Variants in NLRP7 observed in about 807,000 individuals in gnomAD.
NLRP7 encodes the protein NACHT, LRR and PYD domains-containing protein 7.
In NLRP7, 72 loss-of-function variants were observed where a neutral mutation model predicts 85.5. That is an observed-to-expected ratio of 0.84 (90% CI 0.70 to 1.02). NLRP7 has a LOEUF of 1.02. Ranked by LOEUF, NLRP7 falls within the 50% of genes least tolerant of loss-of-function variation. The pLI is 0.00. For synonymous variants in NLRP7, 550 were observed against 505.2 expected (o/e 1.09, Z -1.19); for missense variants, 1,243 against 1,219.5 (o/e 1.02, Z -0.29).
chr19:54,929,575 G>C lies in NLRP7; in HGVS notation c.2810+924C>G, dbSNP rs75059752. Among the ~76,000 whole-genome samples, 115 of 152,156 alleles carry C rather than the reference G, an allele frequency of 7.6e-4. 3 individuals are homozygous for C. The East Asian group carries it at 0.022, about 29-fold the overall frequency. On this transcript the variant is annotated intron_variant, in intron 9 of 9. Coordinates refer to ENST00000340844, the Ensembl canonical transcript of NLRP7. Reference sequence around the variant, plus strand: ...ATTTGTGGAGACTTTGCATTTTCTGGGGGTGGTATCCCACCTATGGTTCCC... The same window carrying C: ...ATTTGTGGAGACTTTGCATTTTCTGCGGGTGGTATCCCACCTATGGTTCCC...
Position 54,927,649 on chromosome 19 carries a change from G to A in NLRP7, c.2810+2850C>T, listed in dbSNP as rs148164395. The A allele has an allele frequency of 1.9e-5, 30 of 1,614,036 alleles. No homozygotes were observed. The highest frequency in any genetic ancestry group is 3.3e-4 in the Middle Eastern group (2 of 6,084). On this transcript the variant is annotated intron_variant, in intron 9 of 9. Transcript: ENST00000340844. ...CAGTTCTTTGTCTTAGAACCCCAAA[G>A]AGCTTAATTATGCCACTCTTCCACA...
At chr19:54,926,227 T>C (rs148070119) in intron 9 of NLRP7, among the ~76,000 whole-genome samples, 42 of 150,838 alleles carry the variant, frequency 2.8e-4, no homozygotes, top group East Asian at 9.9e-4. Flanking sequence ...TGTGTGTGTG[T>C]GCTCATGCAC....
chr19:54,947,384 G>C, intron 1 of NLRP7, 85 bp downstream of exon 1: 1 of 1,026,258 alleles, frequency 9.7e-7, no homozygotes, highest in Non-Finnish European at 1.3e-6. Context: ...TAAGGCTTGG[G>C]AAGGGCTATG....
At chr19:54,940,292 A>G in exon 4 of NLRP7, 1 of 1,614,220 alleles carries the variant, frequency 6.2e-7, no homozygotes, top group Non-Finnish European at 8.5e-7. Flanking sequence ...GGGGCCGTGC[A>G]GCACCACCGT....
intron 1 of NLRP7, among the ~76,000 whole-genome samples, chr19:54,955,257 T>A (rs8100034): frequency 0.031 from 4,442 of 145,200 alleles, 47 homozygotes; most frequent in South Asian, 0.053. Context: ...TGAACCCGGG[T>A]GGCAGAGGTT....
At chr19:54,955,758 G>A (rs896554263) in intron 1 of NLRP7, among the ~76,000 whole-genome samples, 11 of 152,072 alleles carry the variant, frequency 7.2e-5, no homozygotes, top group African/African-American at 2.7e-4. Flanking sequence ...CTGCACTTCA[G>A]CCTGGGCGAC....
chr19:54,965,876 G>GT (rs1568451754), intron 1 of NLRP7, among the ~76,000 whole-genome samples: 1 of 100,988 alleles, frequency 9.9e-6, no homozygotes, highest in Non-Finnish European at 2.0e-5. Context: ...AGATCGTGCC[G>GT]TTGCACTCCA....
rs186712078 is a variant in NLRP7, at chr19:54,959,249, C to T, written c.-77+6791G>A. Among the ~76,000 whole-genome samples the T allele has an allele frequency of 3.3e-5, 5 of 150,706 alleles. No homozygotes were observed. The Admixed American group carries it at 3.3e-4, about 10-fold the overall frequency. On this transcript the variant is annotated intron_variant, in intron 1 of 2. Coordinates refer to the NLRP7 transcript ENST00000587103. ...CGCCTCCTGGATTCAAGCAATTCTG[C>T]TGCCTCATCCTTCCGAGTAGCTGGG... is the stretch of plus-strand genomic sequence containing the variant.
rs145935932 is a variant in NLRP7, at chr19:54,924,152, G to C, written c.2811-280C>G. Among the ~76,000 whole-genome samples, 351 of 152,260 alleles carry C rather than the reference G, an allele frequency of 2.3e-3. 1 individual carries two copies. The highest frequency in any genetic ancestry group is 8.1e-3 in the African/African-American group (336 of 41,556). On this transcript the variant is annotated intron_variant, in intron 9 of 9. Coordinates refer to ENST00000340844, the Ensembl canonical transcript of NLRP7. The stretch of plus-strand genomic sequence containing the variant: ...TTGGCTAAGTTTTGTATTTACAGTA[G>C]AGATGGGGTTTCGACATGTTAGCCA...
At chr19:54,941,127 G>A in intron 2 of NLRP7, 122 bp from the exon 3 acceptor site, 2 of 804,844 alleles carry the variant, frequency 2.5e-6, no homozygotes, top group Non-Finnish European at 4.4e-6. Context: ...ACTTTGGAAG[G>A]CTGAGGTGGG....
intron 7 of NLRP7, 121 bp from the exon 8 acceptor site, chr19:54,933,860 T>A: frequency 1.2e-6 from 1 of 867,844 alleles, no homozygotes; most frequent in Non-Finnish European, 1.9e-6. Flanking sequence ...CCCTGCCCTC[T>A]GTCCTGTGGG....
chr19:54,930,217 A>G (rs2068618649), intron 9 of NLRP7, among the ~76,000 whole-genome samples: 1 of 152,076 alleles, frequency 6.6e-6, no homozygotes, highest in Admixed American at 6.6e-5. Flanking sequence ...CTGTAATCCT[A>G]GCACATTGGG....
chr19:54,929,328 G>A (rs977054383), intron 9 of NLRP7, among the ~76,000 whole-genome samples: 1 of 152,044 alleles, frequency 6.6e-6, no homozygotes, highest in African/African-American at 2.4e-5. Flanking sequence ...TCGCACCACT[G>A]CACTCCAGCC....
chr19:54,938,814 T>C (rs1320596158), intron 4 of NLRP7, 74 bp downstream of exon 4: 7 of 1,531,214 alleles, frequency 4.6e-6, no homozygotes, highest in African/African-American at 1.4e-5. Flanking sequence ...AGGGAAATTC[T>C]GACAGTAAGC....
chr19:54,932,466 G>C (rs748312528), intron 8 of NLRP7, among the ~76,000 whole-genome samples: 2 of 151,506 alleles, frequency 1.3e-5, no homozygotes, highest in Non-Finnish European at 1.5e-5. Context: ...CCACTAGCTA[G>C]AATTTCTGAA....
intron 1 of NLRP7, among the ~76,000 whole-genome samples, chr19:54,943,854 C>G (rs941679640): frequency 6.6e-6 from 1 of 152,094 alleles, no homozygotes; most frequent in African/African-American, 2.4e-5. Context: ...ATGCTGTTAA[C>G]CTGTAACCCT....
In NLRP7 at chr19:54,939,063, C is replaced by T. The variant is rs994485005; in HGVS notation, c.1756G>A (p.Val586Met). The change falls in exon 4 of 10, where the codon GTG becomes ATG. Residue 586 changes from valine (V) to methionine (M), a missense_variant. Around this residue, in one of 3 missense-constraint regions of NLRP7, gnomAD observed 613 missense variants for 588.4 expected, o/e 1.04. Coordinates refer to ENST00000340844, the Ensembl canonical transcript of NLRP7. ...ATTTCCTTGAACGGGGCCACCACCA[C>T]CTTCGCCAGCTCCTCCTCCTGAGAC... 15 of 1,614,142 alleles carry T rather than the reference C, an allele frequency of 9.3e-6. No individual in the cohort carries two copies. Among genetic ancestry groups the T allele is most frequent in the African/African-American group, 2.7e-5 (2 of 74,948 alleles).
In NLRP7 at chr19:54,934,717, T is replaced by A. The variant is rs534839412; in HGVS notation, c.2301-58A>T. ...GGAGGACAGAGTATACCCTATCAGC[T>A]TTTTTTTTTTGAGACAGAGTTTCAC... On this transcript the variant is annotated intron_variant, in intron 6 of 9. Coordinates refer to ENST00000340844, the Ensembl canonical transcript of NLRP7. This position sits in a 1 kb window ranked among gnomAD's most constrained non-coding sequence, Gnocchi z 6.7. 1 of 602,748 alleles carries A rather than the reference T, an allele frequency of 1.7e-6. No individual in the cohort carries two copies. The highest frequency in any genetic ancestry group is 4.5e-5 in the Admixed American group (1 of 21,988). The allele number at this position is 602,748 out of a possible 1,614,324, so 37.3% of individuals were successfully genotyped here.
At chr19:54,939,534 C>A (rs764512339) in exon 4 of NLRP7, 9 of 1,613,564 alleles carry the variant, frequency 5.6e-6, no homozygotes, top group Non-Finnish European at 5.1e-6. Context: ...CGGTGGAACA[C>A]GGACATCTGC....
Sources: allele counts gnomAD v4.1 joint callset (sites outside exome capture counted in the v4.1 genomes callset), GRCh38; gene constraint gnomAD v4.1.1; regional missense constraint gnomAD v4.1.1; non-coding constraint Gnocchi (gnomAD v3.1); transcripts MANE v1.5; gene names NCBI Gene and HGNC (gene_info 2026-07-23, HGNC 2026-07-21).